Variants in NBAS observed in about 807,000 individuals in gnomAD.
NBAS encodes NAG/BC035112 fusion.
A neutral mutation model predicts 302.5 loss-of-function variants in NBAS; 219 were observed. The ratio of observed to expected loss-of-function variants is 0.72; its 90% CI spans 0.65 to 0.81. NBAS has a LOEUF of 0.81. Among genes scored for constraint, NBAS ranks in the 30% least tolerant of loss-of-function variants. The pLI is 0.00. For missense variants in NBAS, 2,932 were observed against 2,841.6 expected, an observed-to-expected ratio of 1.03 and a Z score of -0.72; for synonymous variants, 1,118 against 1,021.6, an observed-to-expected ratio of 1.09 and a Z score of -1.80.
rs551948509 is a variant in NBAS at position 15,521,287 on chromosome 2, G to A, written c.747-9937C>T. On this transcript the variant is annotated intron_variant, in intron 9 of 51. Transcript: ENST00000281513. The stretch of plus-strand genomic sequence containing the variant: ...GATTCGTTGGTCACCCTGAAGAGAT[G>A]TGACCAAAGAAACACTGGTGAAATT... Among the ~76,000 whole-genome samples the A allele has an allele frequency of 1.2e-3, 188 of 152,282 alleles. 1 individual carries two copies. Among genetic ancestry groups the A allele is most frequent in the South Asian group, 1.7e-3 (8 of 4,826 alleles).
At chr2:15,247,835 T>G (rs1206312518) in intron 44 of NBAS, among the ~76,000 whole-genome samples, 1 of 151,994 alleles carries the variant, frequency 6.6e-6, no homozygotes, top group African/African-American at 2.4e-5. Context: ...CAAAGAGACT[T>G]AGACTCCCAC....
the NBAS span, among the ~76,000 whole-genome samples, chr2:14,990,159 C>A: frequency 6.6e-6 from 1 of 151,302 alleles, no homozygotes; most frequent in Non-Finnish European, 1.5e-5. Flanking sequence ...ACACCTGTAA[C>A]CCCAGTGCTT....
chr2:15,388,697 GCAGTAGTATTAATTA>G (rs1675433714), intron 28 of NBAS, among the ~76,000 whole-genome samples: 1 of 152,140 alleles, frequency 6.6e-6, no homozygotes, highest in Non-Finnish European at 1.5e-5. Context: ...TGTATTCATA[GCAGTAGTATTAATTA>G]CAGGAGAAAC....
chr2:15,100,892 C>A, the NBAS span, among the ~76,000 whole-genome samples: 2 of 152,320 alleles, frequency 1.3e-5, no homozygotes, highest in Non-Finnish European at 2.9e-5. Context: ...GCTTAAAAAT[C>A]TTCCAAATAA....
intron 38 of NBAS, among the ~76,000 whole-genome samples, chr2:15,309,548 T>G (rs1671185875): frequency 6.6e-6 from 1 of 152,202 alleles, no homozygotes; most frequent in Admixed American, 6.5e-5. Flanking sequence ...CTGGGTATTT[T>G]GGTTTTAAAG....
the NBAS span, among the ~76,000 whole-genome samples, chr2:15,050,670 G>A: frequency 5.3e-5 from 8 of 152,170 alleles, no homozygotes; most frequent in East Asian, 3.9e-4. Flanking sequence ...ACAGGCCAGC[G>A]TGGATGAGAA....
intron 48 of NBAS, among the ~76,000 whole-genome samples, chr2:15,198,613 T>G (rs924650162): frequency 2.0e-5 from 3 of 152,144 alleles, no homozygotes; most frequent in Admixed American, 2.0e-4. Context: ...TTGGGAACAT[T>G]GTGTATGTTC....
chr2:15,278,632 T>TGC (rs1227335932), intron 42 of NBAS, among the ~76,000 whole-genome samples: 2 of 152,190 alleles, frequency 1.3e-5, no homozygotes, highest in African/African-American at 4.8e-5. Flanking sequence ...CAAGGCACTG[T>TGC]GCTCACCACT....
chr2:15,053,562 G>A, the NBAS span, among the ~76,000 whole-genome samples: 3 of 152,146 alleles, frequency 2.0e-5, no homozygotes, highest in African/African-American at 7.2e-5. Context: ...AATTGACACA[G>A]TCTGAGTTAA....
At chr2:15,083,887 T>C in the NBAS span, among the ~76,000 whole-genome samples, 11 of 152,208 alleles carry the variant, frequency 7.2e-5, no homozygotes, top group Non-Finnish European at 1.5e-4. Context: ...CTGGAACAAG[T>C]AGCTTAATGT....
chr2:15,252,101 G>T (rs1027200563), intron 44 of NBAS, among the ~76,000 whole-genome samples: 1 of 152,238 alleles, frequency 6.6e-6, no homozygotes, highest in South Asian at 2.1e-4. Context: ...CAGCACCAGA[G>T]GTTTTAGCTA....
chr2:14,814,882 T>C, the NBAS span, among the ~76,000 whole-genome samples: 1 of 152,174 alleles, frequency 6.6e-6, no homozygotes, highest in African/African-American at 2.4e-5. Context: ...TAGGCGGTGA[T>C]CAAATCATGG....
intron 35 of NBAS, among the ~76,000 whole-genome samples, chr2:15,348,370 C>T (rs1040188693): frequency 6.6e-6 from 1 of 152,122 alleles, no homozygotes; most frequent in African/African-American, 2.4e-5. Context: ...CCAGTGGTCT[C>T]CTTCATTTAC....
the NBAS span, among the ~76,000 whole-genome samples, chr2:14,989,542 A>G: frequency 8.2e-4 from 125 of 152,206 alleles, no homozygotes; most frequent in Middle Eastern, 6.8e-3. Context: ...TGGGCGACAG[A>G]GTGAGACACC....
chr2:15,033,996 A>AAAGAGGAAGAG, the NBAS span, among the ~76,000 whole-genome samples: 1 of 41,902 alleles, frequency 2.4e-5, no homozygotes, highest in Admixed American at 3.4e-4. Context: ...AAGAAGAAGA[A>AAAGAGGAAGAG]GAAGAAGAAG....
intron 32 of NBAS, 121 bp from the exon 33 acceptor site, chr2:15,356,537 A>C: frequency 1.3e-6 from 1 of 777,136 alleles, no homozygotes. Flanking sequence ...AGGGATTTTA[A>C]ATGATGAGAG....
intron 21 of NBAS, among the ~76,000 whole-genome samples, chr2:15,440,537 G>C (rs1009402940): frequency 2.6e-5 from 4 of 152,130 alleles, no homozygotes; most frequent in African/African-American, 9.7e-5. Flanking sequence ...GCCAAAAGTA[G>C]ATAAAACCAC....
intron 32 of NBAS, among the ~76,000 whole-genome samples, chr2:15,358,401 TGTGTGTGCGCACAC>T (rs1437955741): frequency 6.6e-6 from 1 of 151,882 alleles, no homozygotes; most frequent in East Asian, 1.9e-4. Flanking sequence ...TGTGTATGTG[TGTGTGTGCGCACAC>T]ATGTGTGCAT....
At chr2:15,479,807 G>A (rs1023642643) in intron 12 of NBAS, among the ~76,000 whole-genome samples, 3 of 152,132 alleles carry the variant, frequency 2.0e-5, no homozygotes, top group Admixed American at 2.0e-4. Flanking sequence ...TTAAACACAA[G>A]GTGAAGATGT....
Sources: gnomAD v4.1 joint callset for allele counts (sites outside exome capture counted in the v4.1 genomes callset) on GRCh38, gnomAD v4.1.1 for gene constraint, MANE v1.5 for transcripts, NCBI Gene and HGNC (gene_info 2026-07-23, HGNC 2026-07-21) for gene names.